Variants in FGD5 observed in about 807,000 individuals in gnomAD.
FGD5 encodes FYVE, RhoGEF and PH domain-containing protein 5.
FGD5 carries 28 observed loss-of-function variants against 133.4 expected under a neutral mutation model. The observed-to-expected ratio is 0.21, with a 90% CI of 0.16 to 0.29. The LOEUF is 0.29. Ranked by LOEUF, FGD5 falls within the 10% of genes least tolerant of loss-of-function variation. The pLI, the probability that FGD5 is intolerant of heterozygous loss-of-function variation, is 1.00. For synonymous variants in FGD5, 810 were observed against 776.5 expected, an observed-to-expected ratio of 1.04 and a Z score of -0.72; for missense variants, 1,858 against 1,895.2, an observed-to-expected ratio of 0.98 and a Z score of 0.36.
At chr3:14,841,955 C>T (rs556739362) in intron 1 of FGD5, among the ~76,000 whole-genome samples, 6 of 152,330 alleles carry the variant, frequency 3.9e-5, no homozygotes, top group Middle Eastern at 3.4e-3. Flanking sequence ...GTTTGGCTTC[C>T]GTCTCTGCTC....
In FGD5 at chr3:14,828,124, G is replaced by C. The variant is rs563743419; in HGVS notation, c.2525+6528G>C. ...ATTTTGGGCAAGGATTGCATGGAGTGATGTGTGGAAGGAGAGAGAGGGGGA... is the reference window on the plus strand; with the variant it reads ...ATTTTGGGCAAGGATTGCATGGAGTCATGTGTGGAAGGAGAGAGAGGGGGA... On this transcript the variant is annotated intron_variant, in intron 1 of 19. Coordinates refer to ENST00000285046, the MANE Select transcript of FGD5 (RefSeq NM_152536.4). Among the ~76,000 whole-genome samples the C allele has an allele frequency of 9.9e-5, 15 of 152,240 alleles. No individual in the cohort carries two copies. The East Asian group carries it at 2.5e-3, about 26-fold the overall frequency.
At position 14,897,676 on chromosome 3, in the gene FGD5, A is replaced by C. The variant is rs948138176; in HGVS notation, c.2909+7A>C. 6.3e-7 allele frequency: 1 copy of C among 1,599,836 alleles called. No individual in the cohort carries two copies. Among genetic ancestry groups the C allele is most frequent in the South Asian group, 1.1e-5 (1 of 88,360 alleles). On this transcript the variant is annotated splice_region_variant and intron_variant, in intron 5 of 19. Transcript: ENST00000285046. ...AGGAAAGGCTGTCAAATTGGTGAGC[A>C]GTCCCTGGACCCCCGGGTTCCACTT...
intron 1 of FGD5, among the ~76,000 whole-genome samples, chr3:14,822,489 G>GT (rs11290454): frequency 0.17 from 24,821 of 142,132 alleles, 2,165 homozygotes; most frequent in East Asian, 0.31. Flanking sequence ...ATCCAAGCTT[G>GT]TTTTTTTTTT....
chr3:14,849,776 G>A (rs373830725), intron 1 of FGD5, among the ~76,000 whole-genome samples: 2 of 152,072 alleles, frequency 1.3e-5, no homozygotes, highest in Admixed American at 6.6e-5. Flanking sequence ...TTCTCCATCC[G>A]TAAAATGGGA....
chr3:14,910,949 G>A lies in FGD5; in HGVS notation c.3405+20G>A, dbSNP rs1315254839. The A allele has an allele frequency of 1.2e-6, 2 of 1,605,820 alleles. No homozygotes were observed. Among genetic ancestry groups the A allele is most frequent in the African/African-American group, 2.7e-5 (2 of 74,752 alleles). ...TTTCTGGTAAGTGCCCGGTCCCCAA[G>A]CCCAGCTCAGGAACTGCCAAGTTCT... is the stretch of plus-strand genomic sequence containing the variant. On this transcript the variant is annotated intron_variant, in intron 11 of 19. Transcript: ENST00000285046.
chr3:14,820,573 C>A lies in FGD5; in HGVS notation c.1502C>A (p.Thr501Asn). ...GTCCCAGAAACCGTCCCTGAAGAAA[C>A]CGGACCTGAGGCGGGCTCGTCAGCC... Reference protein sequence around the residue: ...GYVPETVPEETGPEAGSSAPG... With the variant: ...GYVPETVPEENGPEAGSSAPG... The change falls in exon 1 of 20, where the codon ACC (threonine) becomes AAC (asparagine). Residue 501 changes from threonine to asparagine, a missense_variant. By Grantham distance (65) the Thr-to-Asn change is moderately conservative. Around this residue, in one of 3 missense-constraint regions of FGD5, gnomAD observed 1,824 missense variants for 1,848.9 expected, o/e 0.99. Transcript: ENST00000285046. 1 of 1,611,098 alleles carries A rather than the reference C, an allele frequency of 6.2e-7. No homozygotes were observed. Among genetic ancestry groups the A allele is most frequent in the Non-Finnish European group, 8.5e-7 (1 of 1,178,230 alleles).
At chr3:14,827,281 C>CTTTT (rs1176016508) in intron 1 of FGD5, among the ~76,000 whole-genome samples, 12 of 104,756 alleles carry the variant, frequency 1.1e-4, no homozygotes, top group African/African-American at 2.4e-4. Context: ...TTCTGGTATT[C>CTTTT]TTTTTTTTTT....
intron 11 of FGD5, among the ~76,000 whole-genome samples, chr3:14,911,312 T>G (rs945386120): frequency 1.3e-5 from 2 of 152,156 alleles, no homozygotes. Flanking sequence ...CAGCACTTTC[T>G]CTACTGTGCA....
At chr3:14,901,982 G>T (rs2038247970) in intron 9 of FGD5, among the ~76,000 whole-genome samples, 2 of 152,140 alleles carry the variant, frequency 1.3e-5, no homozygotes, top group African/African-American at 4.8e-5. Context: ...AGCCGAGGTT[G>T]CCAGAAGAGA....
chr3:14,900,649 C>G (rs1270379546), intron 8 of FGD5, among the ~76,000 whole-genome samples, 196 bp downstream of exon 8: 1 of 152,134 alleles, frequency 6.6e-6, no homozygotes, highest in African/African-American at 2.4e-5. Context: ...GTCACCTCAG[C>G]TGTGGGGACA....
chr3:14,811,454 A>G (rs919719415), intron 1 of FGD5: 1 of 152,052 alleles, frequency 6.6e-6, no homozygotes. Flanking sequence ...TAATCCCCCT[A>G]TAGCGCACCC....
chr3:14,888,499 C>T (rs1441499424), intron 4 of FGD5, among the ~76,000 whole-genome samples: 2 of 152,210 alleles, frequency 1.3e-5, no homozygotes, highest in African/African-American at 4.8e-5. Flanking sequence ...TTCTAAGAAC[C>T]TCCATTTTGC....
Position 14,821,211 on chromosome 3 carries a change from C to G in FGD5, c.2140C>G (p.Arg714Gly), listed in dbSNP as rs551941370. The change falls in exon 1 of 20, where the codon CGG (arginine) becomes GGG (glycine). Residue 714 changes from arginine (R) to glycine (G), a missense_variant. Coordinates refer to ENST00000285046, the MANE Select transcript of FGD5 (RefSeq NM_152536.4). Reference sequence around the variant, plus strand: ...GCTTAAGTCTCGGACTGGGAAGCTCCGGGCTTCTGAATCCCCCTCCTCCCT... The same window carrying G: ...GCTTAAGTCTCGGACTGGGAAGCTCGGGGCTTCTGAATCCCCCTCCTCCCT... ...PQLKSRTGKL[R>G]ASESPSSLIF... 1.2e-6 allele frequency: 2 copies of G among 1,613,910 alleles called. No individual in the cohort carries two copies. The highest frequency in any genetic ancestry group is 2.2e-5 in the East Asian group (1 of 44,864).
chr3:14,846,276 G>A (rs1234486931), intron 1 of FGD5, among the ~76,000 whole-genome samples: 3 of 152,108 alleles, frequency 2.0e-5, no homozygotes, highest in Non-Finnish European at 4.4e-5. Flanking sequence ...TGAGGATGGG[G>A]CTGAGGGAGG....
chr3:14,844,794 C>T (rs2037014215), intron 1 of FGD5, among the ~76,000 whole-genome samples: 1 of 152,084 alleles, frequency 6.6e-6, no homozygotes, highest in African/African-American at 2.4e-5. Context: ...AGGAGCTAGC[C>T]CAGTGTTGTG....
chr3:14,914,010 C>T (rs1316455446), intron 11 of FGD5, among the ~76,000 whole-genome samples: 1 of 152,200 alleles, frequency 6.6e-6, no homozygotes, highest in Non-Finnish European at 1.5e-5. Flanking sequence ...CTGCATCCCT[C>T]TGATTACCCT....
intron 4 of FGD5, among the ~76,000 whole-genome samples, chr3:14,888,220 A>T (rs2037961014): frequency 6.6e-6 from 1 of 151,898 alleles, no homozygotes; most frequent in African/African-American, 2.4e-5. Context: ...ATATTTACTT[A>T]ATTGATCTGT....
intron 1 of FGD5, among the ~76,000 whole-genome samples, chr3:14,842,034 G>A (rs573360280): frequency 1.9e-4 from 29 of 152,350 alleles, no homozygotes; most frequent in African/African-American, 6.7e-4. Flanking sequence ...CCCAGCTTGG[G>A]CAGCTGCAGC....
chr3:14,911,074 T>C (rs2038440192), intron 11 of FGD5, 145 bp downstream of exon 11: 11 of 728,574 alleles, frequency 1.5e-5, no homozygotes, highest in Non-Finnish European at 2.5e-5. Flanking sequence ...TCTGGACAGC[T>C]GAGAGCTTCA....
Sources: gnomAD v4.1 joint callset for allele counts (sites outside exome capture counted in the v4.1 genomes callset) on GRCh38, gnomAD v4.1.1 for gene constraint, gnomAD v4.1.1 regional missense constraint, MANE v1.5 for transcripts, NCBI Gene and HGNC (gene_info 2026-07-23, HGNC 2026-07-21) for gene names.